Variants in DLGAP1 observed in about 807,000 individuals in gnomAD.
DLGAP1 encodes disks large-associated protein 1.
A neutral mutation model predicts 90.8 loss-of-function variants in DLGAP1; 11 were observed. The observed-to-expected ratio is 0.12, with a 90% CI of 0.08 to 0.20. DLGAP1 has a LOEUF of 0.20. Ranked by LOEUF, DLGAP1 falls within the 10% of genes least tolerant of loss-of-function variation. The pLI is 1.00. For synonymous variants in DLGAP1, 558 were observed against 540.7 expected, an observed-to-expected ratio of 1.03 and a Z score of -0.44; for missense variants, 1,050 against 1,333.8, an observed-to-expected ratio of 0.79 and a Z score of 3.31.
At chr18:4,379,436 G>A (rs2082075564) in intron 1 of DLGAP1, among the ~76,000 whole-genome samples, 2 of 152,042 alleles carry the variant, frequency 1.3e-5, no homozygotes, top group African/African-American at 2.4e-5. Context: ...ATACCTGATG[G>A]GGAACTTCCC....
intron 3 of DLGAP1, among the ~76,000 whole-genome samples, chr18:3,965,899 G>A (rs1390552150): frequency 1.5e-5 from 2 of 133,460 alleles, no homozygotes; most frequent in Non-Finnish European, 3.1e-5. Flanking sequence ...CGTGAGCCGA[G>A]ATCCTACCAC....
At chr18:4,343,801 A>T (rs887908624) in intron 1 of DLGAP1, among the ~76,000 whole-genome samples, 16 of 152,142 alleles carry the variant, frequency 1.1e-4, no homozygotes, top group African/African-American at 3.1e-4. Flanking sequence ...AGTATAATAA[A>T]TTTTTTTAAG....
At chr18:3,987,590 A>G (rs1316305667) in intron 3 of DLGAP1, among the ~76,000 whole-genome samples, 1 of 152,224 alleles carries the variant, frequency 6.6e-6, no homozygotes, top group Non-Finnish European at 1.5e-5. Context: ...ATTTTTAGTT[A>G]TTAAAGTCTA....
chr18:3,904,981 CATT>C (rs72077069), intron 3 of DLGAP1, among the ~76,000 whole-genome samples: 1,557 of 151,056 alleles, frequency 0.01, 28 homozygotes, highest in African/African-American at 0.036. Flanking sequence ...CCCTATTATT[CATT>C]ATTATTATTA....
At chr18:3,623,525 C>T (rs1170521438) in intron 7 of DLGAP1, among the ~76,000 whole-genome samples, 3 of 152,120 alleles carry the variant, frequency 2.0e-5, no homozygotes, top group South Asian at 2.1e-4. Flanking sequence ...CAGTGGCTCA[C>T]GCCTGTAATC....
intron 4 of DLGAP1, among the ~76,000 whole-genome samples, chr18:3,869,154 GTT>G (rs71368714): frequency 1.1e-4 from 16 of 141,908 alleles, no homozygotes; most frequent in Admixed American, 2.1e-4. Flanking sequence ...TGTGTATTGC[GTT>G]TTTTTTTTTT....
chr18:3,834,179 A>C (rs1256263332), intron 4 of DLGAP1, among the ~76,000 whole-genome samples: 2 of 151,670 alleles, frequency 1.3e-5, no homozygotes, highest in Non-Finnish European at 2.9e-5. Context: ...GGTGGCGGGC[A>C]CCTGTAGTCC....
chr18:4,364,121 T>C (rs988224000), intron 1 of DLGAP1, among the ~76,000 whole-genome samples: 3 of 151,344 alleles, frequency 2.0e-5, no homozygotes, highest in East Asian at 2.0e-4. Flanking sequence ...ATGGATGAAA[T>C]TGGAAATCAT....
At chr18:3,544,719 T>TTTTATTTATTTA (rs3072938) in intron 9 of DLGAP1, among the ~76,000 whole-genome samples, 6,702 of 143,128 alleles carry the variant, frequency 0.047, 195 homozygotes, top group South Asian at 0.073. Flanking sequence ...TGTACTTTGC[T>TTTTATTTATTTA]TTTATTTATT....
At chr18:3,857,674 C>CT (rs2069735707) in intron 4 of DLGAP1, among the ~76,000 whole-genome samples, 1 of 152,154 alleles carries the variant, frequency 6.6e-6, no homozygotes, top group Non-Finnish European at 1.5e-5. Context: ...TTTCTTAGTG[C>CT]TTTTCCTATG....
rs148626295 is a variant in DLGAP1, at chr18:4,054,913, G to T, written c.-158-49712C>A. ...TTCCCTTTTTATATTTAGGAGGCAA[G>T]CACCAAAACTTTGAATCAAGTTGAG... On this transcript the variant is annotated intron_variant, in intron 2 of 12. Coordinates refer to ENST00000315677, the MANE Select transcript of DLGAP1 (RefSeq NM_004746.4). 5.4e-3 allele frequency among the ~76,000 whole-genome samples: 819 copies of T among 152,264 alleles called. 8 individuals are homozygous for T. Among genetic ancestry groups the T allele is most frequent in the Middle Eastern group, 0.014 (4 of 294 alleles).
intron 7 of DLGAP1, among the ~76,000 whole-genome samples, chr18:3,685,749 A>T (rs79394996): frequency 6.6e-6 from 1 of 152,014 alleles, no homozygotes; most frequent in African/African-American, 2.4e-5. Context: ...CCAGCCCAAG[A>T]TGCTACCCTT....
intron 1 of DLGAP1, among the ~76,000 whole-genome samples, chr18:4,365,840 C>T (rs11876221): frequency 0.034 from 5,232 of 152,166 alleles, 148 homozygotes; most frequent in African/African-American, 0.076. Context: ...ATTAAAAGTT[C>T]TATTTAATAA....
At chr18:4,257,971 ATATGTGTG>A (rs1362183153) in intron 1 of DLGAP1, among the ~76,000 whole-genome samples, 3 of 84,564 alleles carry the variant, frequency 3.5e-5, no homozygotes, top group Non-Finnish European at 6.9e-5. Flanking sequence ...AGAGTTATAC[ATATGTGTG>A]TGTGTGTGTG....
chr18:3,806,620 C>T (rs981618946), intron 5 of DLGAP1, among the ~76,000 whole-genome samples: 2 of 152,186 alleles, frequency 1.3e-5, no homozygotes, highest in Non-Finnish European at 1.5e-5. Flanking sequence ...TCGTTGTCTG[C>T]ACTTTAACGG....
chr18:3,682,253 C>T (rs750510911), intron 7 of DLGAP1, among the ~76,000 whole-genome samples: 1 of 152,176 alleles, frequency 6.6e-6, no homozygotes, highest in Non-Finnish European at 1.5e-5. Context: ...TGCACCTGCC[C>T]CCTCTTCACC....
chr18:3,612,289 T>A (rs1026913765), intron 7 of DLGAP1, among the ~76,000 whole-genome samples: 1 of 152,198 alleles, frequency 6.6e-6, no homozygotes, highest in Non-Finnish European at 1.5e-5. Flanking sequence ...TGGTTTTTAT[T>A]GTCTAAAATG....
intron 7 of DLGAP1, among the ~76,000 whole-genome samples, chr18:3,712,304 G>C (rs538884229): frequency 2.6e-5 from 4 of 152,324 alleles, no homozygotes; most frequent in Admixed American, 1.3e-4. Context: ...TCGGGAGCAA[G>C]AGCAGCGTTT....
At chr18:3,597,038 C>T in intron 7 of DLGAP1, 1 of 520,144 alleles carries the variant, frequency 1.9e-6, no homozygotes, top group Non-Finnish European at 3.8e-6. Context: ...TGTGACACTG[C>T]CCTTTTCCTG....
Sources: allele counts gnomAD v4.1 joint callset (sites outside exome capture counted in the v4.1 genomes callset), GRCh38; gene constraint gnomAD v4.1.1; transcripts MANE v1.5; gene names NCBI Gene and HGNC (gene_info 2026-07-23, HGNC 2026-07-21).